ACOXL: variants seen among roughly 807,000 people sequenced by gnomAD.
ACOXL encodes the protein acyl-CoA oxidase like.
Under a neutral mutation model 71.9 loss-of-function variants are expected in ACOXL, and 70 were observed. The ratio of observed to expected loss-of-function variants is 0.97; its 90% CI spans 0.80 to 1.19. The LOEUF is 1.19. ACOXL is among the 50% of genes most tolerant of loss of function. The probability of loss-of-function intolerance (pLI) is 0.00; values close to 1 mark genes in which losing one functional copy is unlikely to be tolerated. For synonymous variants in ACOXL, 253 were observed against 281.6 expected, an observed-to-expected ratio of 0.90 and a Z score of 1.02; for missense variants, 703 against 736.3, an observed-to-expected ratio of 0.95 and a Z score of 0.52.
At chr2:110,921,685 G>T (rs1022873260) in intron 11 of ACOXL, among the ~76,000 whole-genome samples, 1 of 151,682 alleles carries the variant, frequency 6.6e-6, no homozygotes, top group Non-Finnish European at 1.5e-5. Flanking sequence ...GAGCCACCGC[G>T]CCTGGCCTTC....
At chr2:110,974,550 C>A (rs550612922) in intron 12 of ACOXL, among the ~76,000 whole-genome samples, 1 of 152,322 alleles carries the variant, frequency 6.6e-6, no homozygotes, top group African/African-American at 2.4e-5. Context: ...AGACAGGTCC[C>A]TTCCTAATCC....
In ACOXL at chr2:110,964,880, A is replaced by G. The variant is rs974008683; in HGVS notation, c.1060-22228A>G. Among the ~76,000 whole-genome samples, 20 of 152,326 alleles carry G rather than the reference A, an allele frequency of 1.3e-4. 1 individual carries two copies. Among genetic ancestry groups the G allele is most frequent in the African/African-American group, 4.8e-4 (20 of 41,570 alleles). On this transcript the variant is annotated intron_variant, in intron 12 of 17. Coordinates refer to ENST00000439055, the MANE Select transcript of ACOXL (RefSeq NM_001142807.4). ...AATATGCAATATATTGTTGTTAACT[A>G]TAGTCACTCTACTCTGCTATCGAAC...
At chr2:110,770,552 G>T (rs1253567304) in intron 2 of ACOXL, among the ~76,000 whole-genome samples, 1 of 152,244 alleles carries the variant, frequency 6.6e-6, no homozygotes, top group Non-Finnish European at 1.5e-5. Context: ...TGACAAAGTG[G>T]AGCGTGCTTG....
intron 14 of ACOXL, among the ~76,000 whole-genome samples, chr2:110,999,539 C>T (rs1264979190): frequency 6.6e-6 from 1 of 152,146 alleles, no homozygotes; most frequent in Non-Finnish European, 1.5e-5. Flanking sequence ...CCCAAGAATC[C>T]CACCTCCTGA....
chr2:111,075,916 A>G (rs576313436), intron 16 of ACOXL, among the ~76,000 whole-genome samples: 1 of 152,098 alleles, frequency 6.6e-6, no homozygotes, highest in African/African-American at 2.4e-5. Context: ...ATTTATTTCT[A>G]TTATAATCAG....
chr2:110,887,068 C>G (rs545229846), intron 10 of ACOXL: 29 of 485,682 alleles, frequency 6.0e-5, no homozygotes, highest in African/African-American at 5.2e-4. Flanking sequence ...GTATGTCTCT[C>G]CAGGCAGATG....
At chr2:110,896,996 C>T (rs2059035456) in intron 10 of ACOXL, among the ~76,000 whole-genome samples, 1 of 151,686 alleles carries the variant, frequency 6.6e-6, no homozygotes, top group Admixed American at 6.6e-5. Flanking sequence ...AAAACTGCAA[C>T]AAATTTTTAA....
chr2:110,968,348 C>A, intron 12 of ACOXL: 4 of 1,157,944 alleles, frequency 3.5e-6, no homozygotes, highest in Non-Finnish European at 5.1e-6. Flanking sequence ...GGAGGCTCAT[C>A]TGTCTCTCAT....
intron 10 of ACOXL, among the ~76,000 whole-genome samples, chr2:110,904,468 A>C (rs1453768250): frequency 6.6e-6 from 1 of 152,146 alleles, no homozygotes; most frequent in Non-Finnish European, 1.5e-5. Context: ...TCCTGGGTGC[A>C]TATGTCAGGC....
At chr2:111,078,757 T>TA (rs2067739254) in intron 16 of ACOXL, among the ~76,000 whole-genome samples, 1 of 152,254 alleles carries the variant, frequency 6.6e-6, no homozygotes, top group Non-Finnish European at 1.5e-5. Flanking sequence ...TTCTCCTTCA[T>TA]ATGCTGAAAA....
intron 17 of ACOXL, among the ~76,000 whole-genome samples, chr2:111,107,234 G>C (rs2069604348): frequency 6.6e-6 from 1 of 152,094 alleles, no homozygotes; most frequent in Non-Finnish European, 1.5e-5. Flanking sequence ...GCTTTTTTTA[G>C]CTCCAGTGTG....
Position 111,117,802 on chromosome 2 carries a change from G to T in ACOXL, c.1729G>T (p.Gly577Ter), listed in dbSNP as rs189429375. The T allele has an allele frequency of 8.9e-3, 13,715 of 1,549,466 alleles. 77 individuals carry two copies. The highest frequency in any genetic ancestry group is 0.011 in the Non-Finnish European group (12,645 of 1,146,570). Residue 577 changes from glycine (G) to a stop codon, truncating the protein, a stop_gained, in exon 18 of 18, where the codon GGA becomes TGA. Coordinates refer to ENST00000439055, the MANE Select transcript of ACOXL (RefSeq NM_001142807.4). LOFTEE classifies it high-confidence loss of function. ...GGCGCGCTCCCGGCGGCCCAAGCTG[G>T]GAGCCAAGCTCTAACGGGTGTGGCG... The part of the protein sequence containing the change: ...EEARSRRPKL[G>*]AKL
intron 16 of ACOXL, among the ~76,000 whole-genome samples, chr2:111,053,899 C>T (rs562196322): frequency 6.6e-6 from 1 of 152,306 alleles, no homozygotes; most frequent in African/African-American, 2.4e-5. Flanking sequence ...GAAAGTGGCC[C>T]TTGCTGGTAA....
intron 17 of ACOXL, among the ~76,000 whole-genome samples, chr2:111,116,671 T>C (rs923722506): frequency 3.3e-5 from 5 of 152,144 alleles, no homozygotes; most frequent in Admixed American, 2.0e-4. Context: ...TACTGTGATT[T>C]GGGGAGTGAA....
At chr2:110,925,908 A>G (rs1010012020) in intron 11 of ACOXL, among the ~76,000 whole-genome samples, 1 of 140,420 alleles carries the variant, frequency 7.1e-6, no homozygotes, top group Non-Finnish European at 1.5e-5. Flanking sequence ...AGAAAGACAT[A>G]TGACTCTTCC....
intron 14 of ACOXL, among the ~76,000 whole-genome samples, chr2:110,999,066 A>T (rs922209441): frequency 2.0e-5 from 3 of 152,222 alleles, no homozygotes; most frequent in Non-Finnish European, 2.9e-5. Flanking sequence ...GCCATGACAA[A>T]ATACCACAGA....
At chr2:110,752,623 A>G (rs145143095) in intron 1 of ACOXL, among the ~76,000 whole-genome samples, 8 of 151,762 alleles carry the variant, frequency 5.3e-5, no homozygotes, top group African/African-American at 1.7e-4. Context: ...TTACTTTGCG[A>G]TAATTCACTG....
intron 1 of ACOXL, chr2:110,732,990 G>A (rs977241030): frequency 2.6e-5 from 4 of 152,786 alleles, no homozygotes; most frequent in African/African-American, 4.8e-5. Context: ...TCGGCCCCCT[G>A]AGAGGTGCCC....
chr2:110,775,247 C>T (rs1682491876), intron 2 of ACOXL, among the ~76,000 whole-genome samples: 1 of 152,152 alleles, frequency 6.6e-6, no homozygotes, highest in Non-Finnish European at 1.5e-5. Context: ...GGCTTCTTAA[C>T]ATTGGATTTG....
Sources: allele counts gnomAD v4.1 joint callset (sites outside exome capture counted in the v4.1 genomes callset), GRCh38; gene constraint gnomAD v4.1.1; transcripts MANE v1.5; gene names NCBI Gene and HGNC (gene_info 2026-07-23, HGNC 2026-07-21).